The following CEACAM18 variants were observed in gnomAD, a reference collection of about 807,000 sequenced individuals.
CEACAM18 encodes the protein CEA cell adhesion molecule 18.
Under a neutral mutation model 34.3 loss-of-function variants are expected in CEACAM18, and 33 were observed. That is an observed-to-expected ratio of 0.96 (90% confidence interval 0.73 to 1.29). The LOEUF is 1.29. Ranked by LOEUF, CEACAM18 falls within the 50% of genes most tolerant of loss-of-function variation. The pLI is 0.00. For synonymous variants in CEACAM18, 169 were observed against 180.9 expected, an observed-to-expected ratio of 0.93 and a Z score of 0.53; for missense variants, 474 against 485.0, an observed-to-expected ratio of 0.98 and a Z score of 0.21.
chr19:51,481,609 TAG>T lies in CEACAM18; in HGVS notation c.622_623del (p.Ser208PhefsTer9), dbSNP rs1414205344. ...TATGACAGAACAATTCAGTGCATGA[TAG>T]AGAGTTTCCCAGAGATCTTTCAGAG... On this transcript the variant is annotated frameshift_variant, in exon 3 of 6. Coordinates refer to ENST00000396477, the Ensembl canonical transcript of CEACAM18. LOFTEE classifies it high-confidence loss of function. The T allele has an allele frequency of 1.2e-6, 2 of 1,613,858 alleles. No individual in the cohort carries two copies. Among genetic ancestry groups the T allele is most frequent in the Admixed American group, 1.7e-5 (1 of 60,000 alleles).
rs1228128395 is a variant in CEACAM18, at chr19:51,484,972, G to A, written c.954-15G>A. 2 of 1,536,104 alleles carry A rather than the reference G, an allele frequency of 1.3e-6. No individual in the cohort carries two copies. Among genetic ancestry groups the A allele is most frequent in the Admixed American group, 2.0e-5 (1 of 51,004 alleles). ...TCAATCGTGGTCCTGACCCCCAGGTGTCCTCTTCCTTCAGGGATCTTACCT... is the reference window on the plus strand; with the variant it reads ...TCAATCGTGGTCCTGACCCCCAGGTATCCTCTTCCTTCAGGGATCTTACCT... On this transcript the variant is annotated splice_polypyrimidine_tract_variant and intron_variant, in intron 4 of 5. Coordinates refer to ENST00000396477, the Ensembl canonical transcript of CEACAM18.
At chr19:51,483,330 A>G (rs1462472191) in intron 4 of CEACAM18, 34 bp downstream of exon 4, 2 of 1,612,452 alleles carry the variant, frequency 1.2e-6, no homozygotes, top group Non-Finnish European at 1.7e-6. Flanking sequence ...CATGCTTTGC[A>G]CATCTCCCTG....
At chr19:51,481,902 C>T (rs1989923354) in intron 3 of CEACAM18, among the ~76,000 whole-genome samples, 1 of 152,208 alleles carries the variant, frequency 6.6e-6, no homozygotes, top group Admixed American at 6.5e-5. Flanking sequence ...GTCCCCACTT[C>T]TCAGATTAGA....
chr19:51,482,915 C>G, intron 3 of CEACAM18, 102 bp from the exon 4 acceptor site: 1 of 1,408,444 alleles, frequency 7.1e-7, no homozygotes, highest in Non-Finnish European at 9.8e-7. Flanking sequence ...GGGGTTAGCC[C>G]GAGGTGCACA....
In CEACAM18 at chr19:51,484,318, C is replaced by CTT. The variant is rs546695435; in HGVS notation, c.954-655_954-654dup. On this transcript the variant is annotated intron_variant, in intron 4 of 5. Coordinates refer to ENST00000396477, the Ensembl canonical transcript of CEACAM18. ...TTCAGGAGGGCAGAAGCTGGGGAAG[C>CTT]TTTTTTTTTTTTTTTAACAGAGTCT... 3.7e-3 allele frequency among the ~76,000 whole-genome samples: 521 copies of CTT among 141,378 alleles called. 4 individuals are homozygous for CTT. Among genetic ancestry groups the CTT allele is most frequent in the East Asian group, 0.028 (135 of 4,854 alleles). The allele number at this position is 141,378 out of a possible 152,430, so 92.7% of individuals were successfully genotyped here.
At chr19:51,484,684 C>T (rs1221833040) in intron 4 of CEACAM18, among the ~76,000 whole-genome samples, 2 of 152,220 alleles carry the variant, frequency 1.3e-5, no homozygotes, top group Non-Finnish European at 2.9e-5. Flanking sequence ...ACACACCCCC[C>T]TTCCAGTCAC....
Position 51,485,001 on chromosome 19 carries a change from G to T in CEACAM18, c.968G>T (p.Cys323Phe), listed in dbSNP as rs1989976231. 3 of 1,536,130 alleles carry T rather than the reference G, an allele frequency of 2.0e-6. No individual in the cohort carries two copies. In the East Asian group the frequency reaches 7.3e-5, roughly 38 times the overall value. ...TCTTCCTTCAGGGATCTTACCTGTT[G>T]TCCACAGAGATTTCTCCATCTCAGG... The change falls in exon 5 of 6, where the codon TGT becomes TTT. Residue 323 changes from cysteine (C) to phenylalanine (F), a missense_variant. Coordinates refer to ENST00000396477, the Ensembl canonical transcript of CEACAM18.
intron 3 of CEACAM18, among the ~76,000 whole-genome samples, chr19:51,482,541 C>G (rs1366647065): frequency 2.0e-5 from 3 of 152,208 alleles, no homozygotes; most frequent in Non-Finnish European, 4.4e-5. Flanking sequence ...ACCCAGGATC[C>G]AGAGGCTGCA....
At chr19:51,490,003 G>C (rs947834820) in intron 5 of CEACAM18, among the ~76,000 whole-genome samples, 1 of 152,146 alleles carries the variant, frequency 6.6e-6, no homozygotes, top group African/African-American at 2.4e-5. Flanking sequence ...TCCTTTCAAA[G>C]GCGCCATGTT....
chr19:51,485,322 A>G (rs990396141), intron 5 of CEACAM18, among the ~76,000 whole-genome samples, 200 bp downstream of exon 5: 15 of 152,170 alleles, frequency 9.9e-5, no homozygotes, highest in African/African-American at 3.6e-4. Flanking sequence ...AGAGTCGGCC[A>G]TGGTTCTAAA....
At chr19:51,479,447 T>A (rs1204025828) in intron 1 of CEACAM18, among the ~76,000 whole-genome samples, 2 of 152,206 alleles carry the variant, frequency 1.3e-5, no homozygotes, top group Non-Finnish European at 2.9e-5. Context: ...TCCCCCTGTG[T>A]CCAGCCTGTG....
chr19:51,483,084 C>A (rs377212437), exon 4 of CEACAM18: 9 of 1,613,874 alleles, frequency 5.6e-6, no homozygotes, highest in African/African-American at 2.7e-5. Context: ...CAGCTGAGAT[C>A]GGCTCCCAAG....
At chr19:51,486,969 G>A (rs1006671972) in intron 5 of CEACAM18, among the ~76,000 whole-genome samples, 46 of 151,378 alleles carry the variant, frequency 3.0e-4, no homozygotes, top group Middle Eastern at 3.2e-3. Flanking sequence ...TGATCCGCCC[G>A]CCTCAGCATC....
chr19:51,479,492 C>G (rs185317143), intron 1 of CEACAM18, among the ~76,000 whole-genome samples: 1 of 152,336 alleles, frequency 6.6e-6, no homozygotes, highest in Admixed American at 6.5e-5. Context: ...GTGACTGAGA[C>G]AGGGCAGTCC....
At chr19:51,487,486 G>C (rs1990025811) in intron 5 of CEACAM18, among the ~76,000 whole-genome samples, 1 of 152,016 alleles carries the variant, frequency 6.6e-6, no homozygotes. Context: ...AAATAAATAG[G>C]CCAGGCACAG....
intron 4 of CEACAM18, among the ~76,000 whole-genome samples, chr19:51,484,261 T>C (rs964756381): frequency 6.6e-6 from 1 of 151,972 alleles, no homozygotes; most frequent in African/African-American, 2.4e-5. Context: ...AAGTCATCGA[T>C]TCACATTTTT....
At chr19:51,484,511 G>A (rs890843695) in intron 4 of CEACAM18, among the ~76,000 whole-genome samples, 1 of 152,094 alleles carries the variant, frequency 6.6e-6, no homozygotes, top group African/African-American at 2.4e-5. Context: ...GAGTAGAGAT[G>A]GGGTTTCACC....
intron 4 of CEACAM18, among the ~76,000 whole-genome samples, chr19:51,484,682 C>G (rs79226814): frequency 4.6e-5 from 7 of 152,006 alleles, no homozygotes; most frequent in African/African-American, 1.5e-4. Context: ...TCACACACCC[C>G]CCTTCCAGTC....
chr19:51,480,668 C>G, exon 2 of CEACAM18: 1 of 1,611,840 alleles, frequency 6.2e-7, no homozygotes, highest in Non-Finnish European at 8.5e-7. Flanking sequence ...AACCGGCTGG[C>G]TGGAGGTTCT....
Sources: allele counts gnomAD v4.1 joint callset (sites outside exome capture counted in the v4.1 genomes callset), GRCh38; gene constraint gnomAD v4.1.1; transcripts MANE v1.5; gene names NCBI Gene and HGNC (gene_info 2026-07-23, HGNC 2026-07-21).